FAAH2: variants seen among roughly 807,000 people sequenced by gnomAD.
FAAH2 encodes fatty acid amide hydrolase 2.
A neutral mutation model predicts 36.9 loss-of-function variants in FAAH2; 60 were observed. The observed-to-expected ratio is 1.63, with a 90% CI of 1.32 to 2.02. The LOEUF is 2.02. FAAH2 is among the 30% of genes most tolerant of loss of function. FAAH2 has a pLI of 0.00. For synonymous variants in FAAH2, 214 were observed against 143.8 expected (o/e 1.49, Z -3.49); for missense variants, 689 against 397.5 (o/e 1.73, Z -6.23).
the FAAH2 span, among the ~76,000 whole-genome samples, chrX:57,281,661 C>G: frequency 9.0e-6 from 1 of 111,515 alleles, no homozygotes; most frequent in African/African-American, 3.3e-5. Context: ...GATTATTTTG[C>G]CATCCAGGTA....
intron 5 of FAAH2, among the ~76,000 whole-genome samples, chrX:57,373,268 T>C (rs926903691): frequency 6.3e-5 from 7 of 111,692 alleles, no homozygotes; most frequent in Non-Finnish European, 1.3e-4. Context: ...CTGGATCAAA[T>C]GGTAAATCTA....
At chrX:57,367,020 C>T (rs916221095) in intron 5 of FAAH2, among the ~76,000 whole-genome samples, 3 of 112,380 alleles carry the variant, frequency 2.7e-5, no homozygotes, top group Non-Finnish European at 5.6e-5. Context: ...AGGCAGTTCT[C>T]CTTGCTAGCT....
At chrX:57,488,303 A>T (rs962527316) in intron 10 of FAAH2, among the ~76,000 whole-genome samples, 2 of 112,213 alleles carry the variant, frequency 1.8e-5, no homozygotes, top group African/African-American at 3.2e-5. Context: ...GTGTGAAATG[A>T]TATTACAAAA....
intron 2 of FAAH2, among the ~76,000 whole-genome samples, chrX:57,293,473 A>C (rs2052045555): frequency 8.9e-6 from 1 of 111,956 alleles, no homozygotes; most frequent in Non-Finnish European, 1.9e-5. Context: ...ATTTCAAAAA[A>C]TGTATGTGAC....
At chrX:57,297,287 G>C (rs1322912981) in intron 2 of FAAH2, among the ~76,000 whole-genome samples, 2 of 104,719 alleles carry the variant, frequency 1.9e-5, no homozygotes, top group Non-Finnish European at 3.9e-5. Context: ...GAAGAGAGTG[G>C]GGGCCAATAT....
chrX:57,320,714 G>T (rs1667094271), intron 3 of FAAH2, among the ~76,000 whole-genome samples: 1 of 112,531 alleles, frequency 8.9e-6, no homozygotes, highest in Non-Finnish European at 1.9e-5. Context: ...AAAGCAACAT[G>T]CACATGTATA....
At chrX:57,367,994 CT>C (rs1205581956) in intron 5 of FAAH2, among the ~76,000 whole-genome samples, 1 of 111,869 alleles carries the variant, frequency 8.9e-6, no homozygotes, top group Non-Finnish European at 1.9e-5. Flanking sequence ...GCAATAACCA[CT>C]TCATGCCTCC....
At chrX:57,407,145 C>T (rs756294867) in intron 7 of FAAH2, among the ~76,000 whole-genome samples, 4 of 112,194 alleles carry the variant, frequency 3.6e-5, no homozygotes, top group Non-Finnish European at 7.5e-5. Context: ...CCTGCAGTTC[C>T]CTAAGGATCT....
chrX:57,179,589 C>A, the FAAH2 span, among the ~76,000 whole-genome samples: 1 of 111,773 alleles, frequency 8.9e-6, no homozygotes, highest in African/African-American at 3.3e-5. Flanking sequence ...CACATATGCA[C>A]CCAATACAGG....
chrX:57,155,935 C>A, the FAAH2 span, among the ~76,000 whole-genome samples: 1 of 112,073 alleles, frequency 8.9e-6, no homozygotes, highest in African/African-American at 3.2e-5. Flanking sequence ...CTCCCGTGAT[C>A]TAGACCTTCA....
intron 4 of FAAH2, among the ~76,000 whole-genome samples, chrX:57,332,406 G>T (rs2053433909): frequency 8.9e-6 from 1 of 112,018 alleles, no homozygotes; most frequent in African/African-American, 3.2e-5. Flanking sequence ...CACACAATAA[G>T]AACAAAAGCT....
intron 7 of FAAH2, among the ~76,000 whole-genome samples, chrX:57,390,268 T>A (rs1057106258): frequency 7.5e-4 from 84 of 111,968 alleles, no homozygotes; most frequent in Non-Finnish European, 1.4e-3. Context: ...CCAAGACCAA[T>A]GTCACGGAGC....
At chrX:57,218,490 G>C in the FAAH2 span, among the ~76,000 whole-genome samples, 1 of 111,908 alleles carries the variant, frequency 8.9e-6, no homozygotes, top group African/African-American at 3.2e-5. Flanking sequence ...TGTTTATATG[G>C]TGTATCACAT....
the FAAH2 span, among the ~76,000 whole-genome samples, chrX:57,124,380 A>C: frequency 8.9e-6 from 1 of 111,838 alleles, no homozygotes; most frequent in Non-Finnish European, 1.9e-5. Flanking sequence ...TTTTGGTACC[A>C]GTACCATGCT....
At chrX:57,182,949 T>G in the FAAH2 span, among the ~76,000 whole-genome samples, 1 of 110,137 alleles carries the variant, frequency 9.1e-6, no homozygotes, top group Non-Finnish European at 1.9e-5. Context: ...AAACAGAAAA[T>G]CAAATACTGC....
At chrX:57,465,386 G>T (rs778056702) in intron 10 of FAAH2, among the ~76,000 whole-genome samples, 29 of 111,387 alleles carry the variant, frequency 2.6e-4, no homozygotes, top group Non-Finnish European at 5.1e-4. Flanking sequence ...CAAACTCTAA[G>T]TAGGACAAAT....
At chrX:57,419,614 A>G (rs1602599122) in intron 7 of FAAH2, among the ~76,000 whole-genome samples, 3 of 111,500 alleles carry the variant, frequency 2.7e-5, no homozygotes, top group East Asian at 2.8e-4. Context: ...GATTCTGGAT[A>G]TTAGCCGTTT....
chrX:57,282,195 A>G (rs1415959471), upstream of FAAH2, among the ~76,000 whole-genome samples: 1 of 112,138 alleles, frequency 8.9e-6, no homozygotes, highest in Non-Finnish European at 1.9e-5. Flanking sequence ...AGCAGTGTAT[A>G]AGCTTTCCCT....
intron 7 of FAAH2, among the ~76,000 whole-genome samples, chrX:57,412,038 C>A (rs756315083): frequency 9.0e-6 from 1 of 111,451 alleles, no homozygotes; most frequent in Non-Finnish European, 1.9e-5. Context: ...TACAAGTATA[C>A]AATGCATAAT....
Sources: allele counts gnomAD v4.1 joint callset (sites outside exome capture counted in the v4.1 genomes callset), GRCh38; gene constraint gnomAD v4.1.1; transcripts MANE v1.5; gene names NCBI Gene and HGNC (gene_info 2026-07-23, HGNC 2026-07-21).